MCPH1: variants seen among roughly 807,000 people sequenced by gnomAD.
MCPH1 encodes the protein microcephalin.
A neutral mutation model predicts 84.5 loss-of-function variants in MCPH1; 104 were observed. That is an observed-to-expected ratio of 1.23 (90% CI 1.05 to 1.45). The LOEUF is 1.45. MCPH1 is among the 40% of genes most tolerant of loss of function. The pLI is 0.00. For synonymous variants in MCPH1, 514 were observed against 366.8 expected (o/e 1.40, Z -4.58); for missense variants, 1,498 against 1,005.7 (o/e 1.49, Z -6.62).
intron 9 of MCPH1, among the ~76,000 whole-genome samples, chr8:6,470,787 C>G (rs1807615880): frequency 6.6e-6 from 1 of 152,180 alleles, no homozygotes; most frequent in African/African-American, 2.4e-5. Flanking sequence ...TATTATTCCA[C>G]CATTATAAGC....
chr8:6,426,449 G>A (rs978636395), intron 3 of MCPH1, among the ~76,000 whole-genome samples: 1 of 152,200 alleles, frequency 6.6e-6, no homozygotes, highest in Non-Finnish European at 1.5e-5. Flanking sequence ...CATCCAGCGT[G>A]TACTATTTTG....
chr8:6,432,607 T>C (rs1162276634), intron 4 of MCPH1, among the ~76,000 whole-genome samples: 2 of 152,266 alleles, frequency 1.3e-5, no homozygotes, highest in African/African-American at 2.4e-5. Flanking sequence ...CATGAGATTC[T>C]CTGTTAGAGG....
chr8:6,641,293 G>T (rs939723727), intron 13 of MCPH1, among the ~76,000 whole-genome samples: 6 of 152,104 alleles, frequency 3.9e-5, no homozygotes, highest in African/African-American at 1.4e-4. Flanking sequence ...TTACAACCTG[G>T]AAGAAAATAC....
At chr8:6,563,527 G>C (rs909915274) in intron 12 of MCPH1, 3 of 152,228 alleles carry the variant, frequency 2.0e-5, no homozygotes, top group African/African-American at 7.2e-5. Context: ...TCTTTTGTCT[G>C]AAACTGATTT....
chr8:6,622,664 G>T (rs895358244), intron 13 of MCPH1, among the ~76,000 whole-genome samples: 1 of 152,174 alleles, frequency 6.6e-6, no homozygotes, highest in Non-Finnish European at 1.5e-5. Flanking sequence ...GGCAGCGTTG[G>T]TTTCCCCTGA....
chr8:6,502,980 C>A, intron 12 of MCPH1: 1 of 1,196,260 alleles, frequency 8.4e-7, no homozygotes, highest in South Asian at 1.5e-5. Flanking sequence ...TGGGTCCCGT[C>A]AGCACCGAGC....
chr8:6,431,382 T>G (rs565070103), intron 3 of MCPH1, 117 bp from the exon 4 acceptor site: 6 of 759,036 alleles, frequency 7.9e-6, no homozygotes, highest in East Asian at 7.6e-5. Context: ...TTTAAAAGTC[T>G]GTTAAAATGA....
intron 12 of MCPH1, chr8:6,562,522 T>C: frequency 1.2e-6 from 1 of 826,646 alleles, no homozygotes; most frequent in Non-Finnish European, 1.7e-6. Flanking sequence ...AGCAACCCGC[T>C]CTCCAGCTCT....
chr8:6,457,791 T>G (rs1805860128), intron 9 of MCPH1, among the ~76,000 whole-genome samples: 1 of 152,090 alleles, frequency 6.6e-6, no homozygotes, highest in Non-Finnish European at 1.5e-5. Context: ...TTTCCCCTCT[T>G]TCGCAGGATT....
At chr8:6,596,917 C>G (rs1828973727) in intron 12 of MCPH1, among the ~76,000 whole-genome samples, 1 of 152,158 alleles carries the variant, frequency 6.6e-6, no homozygotes, top group Non-Finnish European at 1.5e-5. Flanking sequence ...TGAGAAAACT[C>G]TTGTATAGAG....
intron 12 of MCPH1, chr8:6,521,501 T>C: frequency 1.1e-6 from 1 of 939,454 alleles, no homozygotes; most frequent in Non-Finnish European, 1.5e-6. Flanking sequence ...GGTACTCTGT[T>C]AAGATATTGT....
intron 12 of MCPH1, chr8:6,519,762 TG>T: frequency 6.9e-7 from 1 of 1,450,836 alleles, no homozygotes; most frequent in Non-Finnish European, 9.4e-7. Context: ...TGTGTGAGGC[TG>T]GGGAAGATCT....
chr8:6,616,051 C>G, intron 12 of MCPH1: 1 of 152,188 alleles, frequency 6.6e-6, no homozygotes, highest in East Asian at 1.9e-4. Context: ...TTACTGAGCG[C>G]TTTACCAGTT....
rs572900003 is a variant in MCPH1, at chr8:6,611,625, T to A, written c.2215-9829T>A. ...ACCCTTTAACGTCAGGATTTTTTTT[T>A]ATTTTTTTTTAAAGACATAGTCTCA... is the stretch of plus-strand genomic sequence containing the variant. On this transcript the variant is annotated intron_variant, in intron 12 of 13. Coordinates refer to ENST00000344683, the MANE Select transcript of MCPH1 (RefSeq NM_024596.5). 6.1e-4 allele frequency among the ~76,000 whole-genome samples: 67 copies of A among 109,768 alleles called. 1 individual carries two copies. Among genetic ancestry groups the A allele is most frequent in the Middle Eastern group, 5.4e-3 (1 of 184 alleles). The allele number at this position is 109,768 out of a possible 152,430, so 72.0% of individuals were successfully genotyped here.
chr8:6,629,646 T>A (rs1797010348), intron 13 of MCPH1, among the ~76,000 whole-genome samples: 1 of 152,060 alleles, frequency 6.6e-6, no homozygotes, highest in Non-Finnish European at 1.5e-5. Flanking sequence ...TCCAGAACTG[T>A]GAAAAAATAC....
At chr8:6,633,641 CTATAG>C (rs1466783201) in intron 13 of MCPH1, among the ~76,000 whole-genome samples, 1 of 152,136 alleles carries the variant, frequency 6.6e-6, no homozygotes, top group Non-Finnish European at 1.5e-5. Flanking sequence ...CCCCCTTCAA[CTATAG>C]TATAACTTTT....
intron 3 of MCPH1, among the ~76,000 whole-genome samples, chr8:6,424,372 CCCTGCA>C (rs1265081381): frequency 2.0e-5 from 3 of 152,162 alleles, no homozygotes; most frequent in African/African-American, 7.2e-5. Flanking sequence ...GGCCATCACC[CCCTGCA>C]TTTAGTGTTT....
At chr8:6,480,964 C>G in intron 11 of MCPH1, 88 bp downstream of exon 11, 2 of 1,447,126 alleles carry the variant, frequency 1.4e-6, no homozygotes, top group Non-Finnish European at 1.9e-6. Context: ...GCACTCAGGC[C>G]GGCGTGCACC....
chr8:6,602,460 C>G (rs1829447540), intron 12 of MCPH1, among the ~76,000 whole-genome samples: 1 of 152,068 alleles, frequency 6.6e-6, no homozygotes, highest in Non-Finnish European at 1.5e-5. Context: ...AAGCCAGACC[C>G]CAGCCTCTCT....
Sources: allele counts gnomAD v4.1 joint callset (sites outside exome capture counted in the v4.1 genomes callset), GRCh38; gene constraint gnomAD v4.1.1; transcripts MANE v1.5; gene names NCBI Gene and HGNC (gene_info 2026-07-23, HGNC 2026-07-21).